CXXC4: variants seen among roughly 807,000 people sequenced by gnomAD.
CXXC4 encodes the protein CXXC-type zinc finger protein 4.
CXXC4 carries 5 observed loss-of-function variants against 20.5 expected under a neutral mutation model. That is an observed-to-expected ratio of 0.24 (90% confidence interval 0.13 to 0.51). The LOEUF is 0.51. Among genes scored for constraint, CXXC4 ranks in the 20% least tolerant of loss-of-function variants. The pLI, the probability that CXXC4 is intolerant of heterozygous loss-of-function variation, is 0.97. For synonymous variants in CXXC4, 250 were observed against 216.4 expected (o/e 1.16, Z -1.36); for missense variants, 419 against 496.4 (o/e 0.84, Z 1.48).
At chr4:104,494,052 C>A (rs772778216) in intron 1 of CXXC4, among the ~76,000 whole-genome samples, 1 of 152,110 alleles carries the variant, frequency 6.6e-6, no homozygotes, top group Admixed American at 6.5e-5. Flanking sequence ...CTCTTCCTAC[C>A]TCAAGGTTTA....
chr4:104,480,744 T>C (rs1736535487), intron 2 of CXXC4, among the ~76,000 whole-genome samples: 3 of 152,052 alleles, frequency 2.0e-5, no homozygotes, highest in Admixed American at 1.3e-4. Context: ...TGACCTTAAG[T>C]ATGCCATTTC....
At chr4:104,486,666 A>C (rs1736703426) in intron 2 of CXXC4, among the ~76,000 whole-genome samples, 1 of 152,174 alleles carries the variant, frequency 6.6e-6, no homozygotes, top group Non-Finnish European at 1.5e-5. Context: ...ACATAAAAAA[A>C]CTGGTGGATG....
chr4:104,480,548 T>TA (rs1025087558), intron 2 of CXXC4, among the ~76,000 whole-genome samples: 10 of 152,132 alleles, frequency 6.6e-5, no homozygotes, highest in Non-Finnish European at 1.5e-4. Flanking sequence ...GAATTACTTT[T>TA]AAAAATATGT....
chr4:104,481,930 T>C (rs944717831), intron 2 of CXXC4, among the ~76,000 whole-genome samples: 2 of 152,208 alleles, frequency 1.3e-5, no homozygotes, highest in African/African-American at 4.8e-5. Context: ...TGTTCAAATA[T>C]AATTTCTTTC....
At chr4:104,472,758 G>A (rs977060978) in intron 2 of CXXC4, among the ~76,000 whole-genome samples, 10 of 152,000 alleles carry the variant, frequency 6.6e-5, no homozygotes, top group East Asian at 1.9e-4. Flanking sequence ...TCATCTTACC[G>A]TCAGGATAAC....
In CXXC4 at chr4:104,491,564, G is replaced by A; in HGVS notation, c.239C>T (p.Ala80Val). 6.6e-7 allele frequency: 1 copy of A among 1,511,894 alleles called. No homozygotes were observed. Among genetic ancestry groups the A allele is most frequent in the Non-Finnish European group, 8.9e-7 (1 of 1,129,662 alleles). The allele number at this position is 1,511,894 out of a possible 1,614,324, so 93.7% of individuals were successfully genotyped here. The change falls in exon 2 of 3, where the codon GCC becomes GTC. Residue 80 changes from alanine (A) to valine (V), a missense_variant. Physicochemically the swap from Ala to Val is moderately conservative, Grantham distance 64. Coordinates refer to ENST00000394767, the MANE Select transcript of CXXC4 (RefSeq NM_025212.4). ...IFPSSAAAAA[A>V]AARIGMSPWN... The stretch of plus-strand genomic sequence containing the variant: ...GGGGGACATGCCGATGCGCGCGGCG[G>A]CCGCGGCGGCGGCGGCGCTGCTGGG...
rs140354727 is a variant in CXXC4 at position 104,488,592 on chromosome 4, T to C, written c.1059+2152A>G. The stretch of plus-strand genomic sequence containing the variant: ...CAGCTTGAGAGTTCAAAGGAAAAAA[T>C]CAGCTTCTTATTCTACCCATACCCC... On this transcript the variant is annotated intron_variant, in intron 2 of 2. Coordinates refer to ENST00000394767, the MANE Select transcript of CXXC4 (RefSeq NM_025212.4). Among the ~76,000 whole-genome samples the C allele has an allele frequency of 5.5e-3, 838 of 152,274 alleles. 4 individuals are homozygous for C. The highest frequency in any genetic ancestry group is 0.018 in the African/African-American group (761 of 41,554).
chr4:104,475,931 G>A (rs964010262), intron 2 of CXXC4, among the ~76,000 whole-genome samples: 8 of 152,090 alleles, frequency 5.3e-5, no homozygotes, highest in African/African-American at 1.2e-4. Context: ...ACAAACAGCC[G>A]TCTTGCTCCC....
At chr4:104,480,578 T>C (rs527892767) in intron 2 of CXXC4, among the ~76,000 whole-genome samples, 4 of 151,508 alleles carry the variant, frequency 2.6e-5, no homozygotes, top group South Asian at 2.1e-4. Context: ...ACCATAAACA[T>C]ACTTAGTTTT....
At chr4:104,474,040 C>T (rs1259586089) in intron 2 of CXXC4, among the ~76,000 whole-genome samples, 2 of 151,924 alleles carry the variant, frequency 1.3e-5, no homozygotes, top group Non-Finnish European at 2.9e-5. Flanking sequence ...TTTTAAAAGA[C>T]TGTCCTCATC....
chr4:104,478,622 T>C (rs535042056), intron 2 of CXXC4, among the ~76,000 whole-genome samples: 134 of 152,142 alleles, frequency 8.8e-4, no homozygotes, highest in Admixed American at 4.7e-3. Flanking sequence ...AACAAATAAG[T>C]AAATTTAGTG....
chr4:104,483,683 C>T (rs1256446415), intron 2 of CXXC4, among the ~76,000 whole-genome samples: 1 of 151,760 alleles, frequency 6.6e-6, no homozygotes, highest in Non-Finnish European at 1.5e-5. Flanking sequence ...TCATTTCTTT[C>T]TTACAATTAT....
At chr4:104,487,860 G>A (rs1160230041) in intron 2 of CXXC4, among the ~76,000 whole-genome samples, 1 of 152,114 alleles carries the variant, frequency 6.6e-6, no homozygotes, top group Non-Finnish European at 1.5e-5. Context: ...CTCTTAAGGT[G>A]AGACTAAGCA....
In CXXC4 at chr4:104,491,622, C is replaced by A. The variant is rs1303795847; in HGVS notation, c.181G>T (p.Ala61Ser). ...GGGGTGGTGATGCGCGCGATCTTGG[C>A]CGCCTGTGGGAAGGCGCCCCCGTTG... ...KTNGGAFPQA[A>S]KIARITTPIF... Residue 61 changes from alanine (A) to serine (S), a missense_variant, in exon 2 of 3, where the codon GCC becomes TCC. This residue lies in a region of CXXC4 where 388 missense variants were observed against 416.0 expected (regional missense o/e 0.93). Coordinates refer to ENST00000394767, the MANE Select transcript of CXXC4 (RefSeq NM_025212.4). 1.2e-5 allele frequency: 19 copies of A among 1,542,800 alleles called. No homozygotes were observed. In the East Asian group the frequency reaches 4.0e-4, roughly 32 times the overall value.
At chr4:104,489,528 T>G (rs1472780839) in intron 2 of CXXC4, among the ~76,000 whole-genome samples, 1 of 152,178 alleles carries the variant, frequency 6.6e-6, no homozygotes, top group East Asian at 1.9e-4. Context: ...ATCCTGCAAC[T>G]CACTCCACAG....
At chr4:104,493,145 T>A (rs1736947248) in intron 1 of CXXC4, among the ~76,000 whole-genome samples, 2 of 152,132 alleles carry the variant, frequency 1.3e-5, no homozygotes. Context: ...GTTAACTGGG[T>A]ATTTGCATTA....
intron 2 of CXXC4, among the ~76,000 whole-genome samples, chr4:104,482,794 T>C (rs991560750): frequency 1.3e-5 from 2 of 152,108 alleles, no homozygotes; most frequent in Non-Finnish European, 2.9e-5. Flanking sequence ...GTCCAAATTT[T>C]TCCTAATCTA....
chr4:104,491,307 TGCC>T lies in CXXC4; in HGVS notation c.493_495del (p.Gly165del), dbSNP rs532524986. 8.9e-4 allele frequency: 1,389 copies of T among 1,560,480 alleles called. No individual in the cohort carries two copies. Among genetic ancestry groups the T allele is most frequent in the South Asian group, 2.8e-3 (237 of 85,334 alleles). On this transcript the variant is annotated inframe_deletion, in exon 2 of 3. Transcript: ENST00000394767. ...TTTCGGTGGTGCATGCTGGTCCTGC[TGCC>T]GCCGCCGCCGCCGCCGCCGCCACCG...
chr4:104,483,039 C>T (rs1736595005), intron 2 of CXXC4, among the ~76,000 whole-genome samples: 1 of 151,848 alleles, frequency 6.6e-6, no homozygotes, highest in Admixed American at 6.6e-5. Context: ...CATTTTCCAC[C>T]CATCTTGGAA....
Sources: gnomAD v4.1 joint callset for allele counts (sites outside exome capture counted in the v4.1 genomes callset) on GRCh38, gnomAD v4.1.1 for gene constraint, gnomAD v4.1.1 regional missense constraint, MANE v1.5 for transcripts, NCBI Gene and HGNC (gene_info 2026-07-23, HGNC 2026-07-21) for gene names.